RABGAP1: variants seen among roughly 807,000 people sequenced by gnomAD.
The protein encoded by RABGAP1 is RAB GTPase activating protein 1.
RABGAP1 carries 23 observed loss-of-function variants against 137.6 expected under a neutral mutation model. That is an observed-to-expected ratio of 0.17 (90% CI 0.12 to 0.24). The LOEUF (loss-of-function observed/expected upper bound fraction) is 0.24, where lower values mean the gene tolerates loss of function less well. Ranked by LOEUF, RABGAP1 falls within the 10% of genes least tolerant of loss-of-function variation. The pLI is 1.00. For synonymous variants in RABGAP1, 451 were observed against 450.7 expected (o/e 1.00, Z -0.01); for missense variants, 906 against 1,275.8 (o/e 0.71, Z 4.42).
At chr9:123,013,028 G>A (rs891783597) in intron 11 of RABGAP1, among the ~76,000 whole-genome samples, 1 of 152,180 alleles carries the variant, frequency 6.6e-6, no homozygotes, top group South Asian at 2.1e-4. Flanking sequence ...CTGAAACTGA[G>A]ATGCTTGTCC....
intron 19 of RABGAP1, 66 bp from the exon 20 acceptor site, chr9:123,089,692 G>C (rs1322849376): frequency 3.1e-5 from 41 of 1,305,510 alleles, no homozygotes; most frequent in Non-Finnish European, 4.3e-5. Context: ...TTGGTCTTCA[G>C]TGCAGGCACT....
chr9:123,033,135 AG>A, intron 13 of RABGAP1, among the ~76,000 whole-genome samples: 1 of 152,328 alleles, frequency 6.6e-6, no homozygotes, highest in Middle Eastern at 3.4e-3. Flanking sequence ...GAATCATGAG[AG>A]ACAAAATTAA....
chr9:123,027,503 T>C (rs917445865), intron 13 of RABGAP1, among the ~76,000 whole-genome samples: 1 of 152,260 alleles, frequency 6.6e-6, no homozygotes, highest in Non-Finnish European at 1.5e-5. Context: ...TATTCAATTA[T>C]TATGTTATTA....
At chr9:122,939,743 A>T (rs1231051473), upstream of RABGAP1, 1 of 152,158 alleles carries the variant, frequency 6.6e-6, no homozygotes, top group Non-Finnish European at 1.5e-5. Flanking sequence ...CTTGAAATGG[A>T]TATTTTGTAA....
intron 3 of RABGAP1, 122 bp downstream of exon 3, chr9:122,984,841 A>AT: frequency 1.2e-6 from 1 of 825,938 alleles, no homozygotes. Context: ...AGGCAAAAAC[A>AT]TTCTCTAGAA....
intron 19 of RABGAP1, among the ~76,000 whole-genome samples, chr9:123,085,012 G>T (rs1411068411): frequency 6.6e-6 from 1 of 152,182 alleles, no homozygotes; most frequent in African/African-American, 2.4e-5. Flanking sequence ...TTCTCCATGT[G>T]TGTTGCCCTT....
At chr9:123,053,644 T>C (rs923690075) in intron 13 of RABGAP1, among the ~76,000 whole-genome samples, 1 of 152,216 alleles carries the variant, frequency 6.6e-6, no homozygotes, top group Non-Finnish European at 1.5e-5. Context: ...GAGTGGGTTT[T>C]GGTGGTGTTT....
intron 19 of RABGAP1, among the ~76,000 whole-genome samples, chr9:123,083,792 C>T (rs1321540767): frequency 6.6e-6 from 1 of 152,170 alleles, no homozygotes; most frequent in Non-Finnish European, 1.5e-5. Flanking sequence ...AGGGTTGTGA[C>T]AGAATAAGAT....
At chr9:123,035,478 T>C in intron 13 of RABGAP1, 1 of 1,614,128 alleles carries the variant, frequency 6.2e-7, no homozygotes, top group Non-Finnish European at 8.5e-7. Context: ...GTGTAATTTA[T>C]AGTCTCTCCA....
chr9:122,982,972 G>A (rs755693133), intron 2 of RABGAP1, among the ~76,000 whole-genome samples: 7 of 151,958 alleles, frequency 4.6e-5, no homozygotes, highest in East Asian at 1.9e-4. Flanking sequence ...GGGCTCCAGC[G>A]ATCCTCCCAC....
In RABGAP1 at chr9:122,984,563, C is replaced by T. The variant is rs746674086; in HGVS notation, c.229C>T (p.Pro77Ser). ...GATGGATCCTCCAATGGACGACCAGCCAGGGGAAAAGGAGCTTGTGAAAAG... is the reference window on the plus strand; with the variant it reads ...GATGGATCCTCCAATGGACGACCAGTCAGGGGAAAAGGAGCTTGTGAAAAG... ...VLMDPPMDDQ[P>S]GEKELVKRSQ... The change falls in exon 3 of 26, where the codon CCA (proline) becomes TCA (serine). Residue 77 changes from proline to serine, a missense_variant. Pro to Ser is a moderately conservative substitution (Grantham distance 74). Coordinates refer to ENST00000373647, the MANE Select transcript of RABGAP1 (RefSeq NM_012197.4). The T allele has an allele frequency of 3.1e-6, 5 of 1,614,152 alleles. No individual in the cohort carries two copies. The highest frequency in any genetic ancestry group is 1.7e-5 in the Admixed American group (1 of 60,002).
upstream of RABGAP1, among the ~76,000 whole-genome samples, chr9:122,935,936 T>C (rs1833381636): frequency 6.6e-6 from 1 of 152,188 alleles, no homozygotes. Context: ...TTTTGCCAGA[T>C]ATAGATTTTT....
At chr9:123,060,940 G>A (rs1264680088) in intron 13 of RABGAP1, among the ~76,000 whole-genome samples, 3 of 152,280 alleles carry the variant, frequency 2.0e-5, no homozygotes, top group East Asian at 3.9e-4. Flanking sequence ...TGAGGGCAAA[G>A]CATGTATAAA....
chr9:122,957,809 A>G (rs1834611254), intron 2 of RABGAP1, among the ~76,000 whole-genome samples: 1 of 152,096 alleles, frequency 6.6e-6, no homozygotes, highest in Non-Finnish European at 1.5e-5. Flanking sequence ...CTATATGCCA[A>G]TTATTGTTCT....
the RABGAP1 span, among the ~76,000 whole-genome samples, chr9:122,933,440 A>AATTATT: frequency 0.014 from 1,982 of 146,042 alleles, 52 homozygotes; most frequent in African/African-American, 0.045. Context: ...TTTTTCATTA[A>AATTATT]ATTATTATTA....
chr9:123,002,162 G>A (rs541482366), intron 10 of RABGAP1, among the ~76,000 whole-genome samples: 1 of 152,042 alleles, frequency 6.6e-6, no homozygotes. Context: ...TTAGCCAGGC[G>A]TAGTGGCGCA....
At chr9:123,054,817 AT>A (rs765031640) in intron 13 of RABGAP1, among the ~76,000 whole-genome samples, 2 of 151,294 alleles carry the variant, frequency 1.3e-5, no homozygotes, top group African/African-American at 2.4e-5. Flanking sequence ...AATTTGTCTG[AT>A]TTTTTTTTCA....
At chr9:123,094,557 G>T (rs1338995990) in intron 21 of RABGAP1, among the ~76,000 whole-genome samples, 1 of 152,156 alleles carries the variant, frequency 6.6e-6, no homozygotes, top group African/African-American at 2.4e-5. Context: ...TTTTATTAAA[G>T]ATTTTAATTC....
At chr9:123,025,543 C>CTGTTTTTTTTTTTTTTTTTTTTT (rs2031905087) in intron 13 of RABGAP1, among the ~76,000 whole-genome samples, 1 of 74,998 alleles carries the variant, frequency 1.3e-5, no homozygotes, top group African/African-American at 4.5e-5. Context: ...TCTTTCTTTT[C>CTGTTTTTTTTTTTTTTTTTTTTT]TTTTTTTTTT....
Sources: gnomAD v4.1 joint callset for allele counts (sites outside exome capture counted in the v4.1 genomes callset) on GRCh38, gnomAD v4.1.1 for gene constraint, MANE v1.5 for transcripts, NCBI Gene and HGNC (gene_info 2026-07-23, HGNC 2026-07-21) for gene names.